The following NREP variants were observed in gnomAD, a reference collection of about 807,000 sequenced individuals.
The protein encoded by NREP is neuronal regeneration related protein.
In NREP, 5 loss-of-function variants were observed where a neutral mutation model predicts 8.6. That is an observed-to-expected ratio of 0.58 (90% confidence interval 0.30 to 1.22). The LOEUF is 1.22. Ranked by LOEUF, NREP falls within the 50% of genes most tolerant of loss-of-function variation. NREP has a pLI of 0.07. For missense variants in NREP, 86 were observed against 82.5 expected (o/e 1.04, Z -0.17); for synonymous variants, 27 against 28.0 (o/e 0.96, Z 0.11).
rs1313941776 is a variant in NREP, at chr5:111,778,439, G to GT, written c.136-42933dup. Among the ~76,000 whole-genome samples the GT allele has an allele frequency of 2.6e-5, 4 of 152,272 alleles. No homozygotes were observed. The East Asian group carries it at 7.7e-4, about 29-fold the overall frequency. On this transcript the variant is annotated intron_variant, in intron 2 of 3. Coordinates refer to the NREP transcript ENST00000395634. The stretch of plus-strand genomic sequence containing the variant: ...AAGTAGTGTGCTTAACAGTTAGTGA[G>GT]TGTGGGGCCTACTTCTTGTCCTCTA...
chr5:111,880,295 G>C (rs909346402), intron 2 of NREP, among the ~76,000 whole-genome samples: 10 of 152,196 alleles, frequency 6.6e-5, no homozygotes, highest in African/African-American at 2.4e-4. Flanking sequence ...ATGTGTCTAA[G>C]TGGGTAGAAT....
At chr5:111,827,929 G>A (rs1314640781) in intron 2 of NREP, among the ~76,000 whole-genome samples, 1 of 152,170 alleles carries the variant, frequency 6.6e-6, no homozygotes, top group East Asian at 1.9e-4. Context: ...GGCACAAGAA[G>A]TATGTTTTCC....
At chr5:111,917,129 C>G (rs1302681955) in intron 2 of NREP, among the ~76,000 whole-genome samples, 1 of 152,030 alleles carries the variant, frequency 6.6e-6, no homozygotes, top group Non-Finnish European at 1.5e-5. Context: ...TGCATGGTGT[C>G]CTTGCACTTT....
chr5:111,836,845 G>A (rs527700804), intron 2 of NREP, among the ~76,000 whole-genome samples: 1 of 152,130 alleles, frequency 6.6e-6, no homozygotes, highest in Non-Finnish European at 1.5e-5. Context: ...TTTAACTTGT[G>A]AAATCTGGCA....
At chr5:111,921,282 G>A (rs544481732) in intron 2 of NREP, among the ~76,000 whole-genome samples, 42 of 152,134 alleles carry the variant, frequency 2.8e-4, no homozygotes, top group South Asian at 4.1e-4. Context: ...AGCAGCTAGC[G>A]TTCCTCCTGA....
intron 2 of NREP, among the ~76,000 whole-genome samples, chr5:111,804,639 G>A (rs548548395): frequency 8.6e-5 from 13 of 152,042 alleles, no homozygotes; most frequent in African/African-American, 3.1e-4. Context: ...ACAGTTCAGG[G>A]AAAGCGCTGC....
chr5:111,826,937 A>G (rs1752642374), intron 2 of NREP, among the ~76,000 whole-genome samples: 1 of 152,230 alleles, frequency 6.6e-6, no homozygotes, highest in Non-Finnish European at 1.5e-5. Context: ...GTACATTACA[A>G]TAGCCAATTA....
intron 2 of NREP, among the ~76,000 whole-genome samples, chr5:111,854,529 G>T (rs1011964450): frequency 3.0e-4 from 45 of 152,170 alleles, no homozygotes; most frequent in African/African-American, 1.0e-3. Flanking sequence ...TTACATTGGT[G>T]AAACATGTGG....
intron 1 of NREP, chr5:111,975,417 C>T (rs760649493): frequency 4.6e-5 from 66 of 1,421,618 alleles, no homozygotes; most frequent in Non-Finnish European, 6.2e-5. Context: ...TGAGCACTGA[C>T]CCCCCTGAGT....
chr5:111,905,255 C>T (rs190506429), intron 2 of NREP, among the ~76,000 whole-genome samples: 18 of 152,224 alleles, frequency 1.2e-4, no homozygotes, highest in Admixed American at 8.5e-4. Flanking sequence ...TGGTAGATCA[C>T]GTGGTAAGAC....
Position 111,780,019 on chromosome 5 carries a change from G to A in NREP, c.136-44512C>T, listed in dbSNP as rs78197825. 6.5e-3 allele frequency among the ~76,000 whole-genome samples: 994 copies of A among 152,326 alleles called. 12 individuals carry two copies. The highest frequency in any genetic ancestry group is 7.9e-3 in the Non-Finnish European group (535 of 68,028). ...AAAACTTAAGTGGATAGTGCTGGCC[G>A]TGATCCAATGCACGCTAGTGCAATG... On this transcript the variant is annotated intron_variant, in intron 2 of 3. Transcript: ENST00000395634.
intron 2 of NREP, among the ~76,000 whole-genome samples, chr5:111,956,903 G>T (rs1044572575): frequency 2.6e-5 from 4 of 151,964 alleles, no homozygotes; most frequent in Non-Finnish European, 5.9e-5. Flanking sequence ...GATGGAGGTT[G>T]CAGTGAGCAG....
At chr5:111,927,600 TG>T (rs1274392934) in intron 2 of NREP, among the ~76,000 whole-genome samples, 4 of 152,186 alleles carry the variant, frequency 2.6e-5, no homozygotes, top group African/African-American at 9.6e-5. Flanking sequence ...ACATTGTGAT[TG>T]TATCCTATGT....
intron 2 of NREP, among the ~76,000 whole-genome samples, chr5:111,822,025 T>G (rs1409746657): frequency 6.6e-6 from 1 of 152,158 alleles, no homozygotes; most frequent in Non-Finnish European, 1.5e-5. Context: ...TTTATTATTT[T>G]TAAACCACAG....
At chr5:111,799,323 T>C (rs1449082919) in intron 2 of NREP, among the ~76,000 whole-genome samples, 1 of 152,210 alleles carries the variant, frequency 6.6e-6, no homozygotes, top group African/African-American at 2.4e-5. Context: ...GGCATTTTGA[T>C]GGGAATTGCA....
intron 2 of NREP, among the ~76,000 whole-genome samples, chr5:111,926,907 G>A (rs1021499726): frequency 1.3e-4 from 20 of 151,266 alleles, no homozygotes; most frequent in African/African-American, 4.8e-4. Context: ...CTCCATCCAT[G>A]GACCCGGAGG....
chr5:111,867,652 G>C (rs1753698649), intron 2 of NREP, among the ~76,000 whole-genome samples: 1 of 152,050 alleles, frequency 6.6e-6, no homozygotes, highest in African/African-American at 2.4e-5. Context: ...GGAAATTTTT[G>C]GTTGAATATT....
chr5:111,866,884 C>T (rs973431784), intron 2 of NREP, among the ~76,000 whole-genome samples: 3 of 151,782 alleles, frequency 2.0e-5, no homozygotes, highest in East Asian at 3.9e-4. Flanking sequence ...TCTCAGCAAA[C>T]GATCGCAAGG....
At chr5:111,866,937 T>C (rs1753680096) in intron 2 of NREP, among the ~76,000 whole-genome samples, 2 of 151,394 alleles carry the variant, frequency 1.3e-5, no homozygotes, top group South Asian at 4.2e-4. Context: ...TAGGTGGGAA[T>C]TGAACAATGA....
Sources: gnomAD v4.1 joint callset for allele counts (sites outside exome capture counted in the v4.1 genomes callset) on GRCh38, gnomAD v4.1.1 for gene constraint, MANE v1.5 for transcripts, NCBI Gene and HGNC (gene_info 2026-07-23, HGNC 2026-07-21) for gene names.